Variants in DNAJC17 observed in about 807,000 individuals in gnomAD.
DNAJC17 encodes DnaJ heat shock protein family (Hsp40) member C17.
Under a neutral mutation model 48.1 loss-of-function variants are expected in DNAJC17, and 35 were observed. The observed-to-expected ratio is 0.73, with a 90% CI of 0.56 to 0.96. The LOEUF (loss-of-function observed/expected upper bound fraction) is 0.96. Among genes scored for constraint, DNAJC17 ranks in the 50% least tolerant of loss-of-function variants. The pLI, the probability that DNAJC17 is intolerant of heterozygous loss-of-function variation, is 0.00. For synonymous variants in DNAJC17, 117 were observed against 142.7 expected, an observed-to-expected ratio of 0.82 and a Z score of 1.28; for missense variants, 355 against 377.1, an observed-to-expected ratio of 0.94 and a Z score of 0.48.
In DNAJC17 at chr15:40,765,630, C is replaced by T. The variant is rs775717595; in HGVS notation, c.*2310G>A. The T allele has an allele frequency of 1.0e-5, 4 of 385,220 alleles. No individual in the cohort carries two copies. Among genetic ancestry groups the T allele is most frequent in the South Asian group, 9.9e-5 (1 of 10,150 alleles). 23.9% of individuals were successfully genotyped at this position (385,220 alleles called of 1,614,324 possible). On this transcript the variant is annotated 3_prime_UTR_variant, in exon 11 of 11. Coordinates refer to ENST00000220496, the MANE Select transcript of DNAJC17 (RefSeq NM_018163.3). ...CTGAGCTTTAAGGCACTAGGGAGGGCGCCTACATTGCTCCTCCTGATCATT... is the reference window on the plus strand; with the variant it reads ...CTGAGCTTTAAGGCACTAGGGAGGGTGCCTACATTGCTCCTCCTGATCATT...
At chr15:40,774,653 A>G (rs879380613) in intron 8 of DNAJC17, among the ~76,000 whole-genome samples, 6 of 152,272 alleles carry the variant, frequency 3.9e-5, no homozygotes, top group Admixed American at 3.3e-4. Context: ...ATGATGAGCA[A>G]AGCCCTGGTG....
intron 1 of DNAJC17, among the ~76,000 whole-genome samples, chr15:40,793,857 C>T (rs1056292916): frequency 9.2e-5 from 14 of 151,954 alleles, no homozygotes; most frequent in African/African-American, 2.2e-4. Context: ...AGGTACAGAG[C>T]GGTTAAATAT....
intron 1 of DNAJC17, among the ~76,000 whole-genome samples, chr15:40,781,499 C>CA (rs1404184653): frequency 6.6e-6 from 1 of 151,380 alleles, no homozygotes; most frequent in Non-Finnish European, 1.5e-5. Context: ...GACCTTGTCT[C>CA]AAAAAAATAA....
At chr15:40,788,291 G>A (rs968943233) in intron 1 of DNAJC17, among the ~76,000 whole-genome samples, 2 of 152,208 alleles carry the variant, frequency 1.3e-5, no homozygotes, top group Non-Finnish European at 2.9e-5. Context: ...GGCCAGGCAT[G>A]GTGGCTGATG....
chr15:40,777,059 C>T (rs1889346598), intron 4 of DNAJC17, among the ~76,000 whole-genome samples: 1 of 152,168 alleles, frequency 6.6e-6, no homozygotes, highest in Admixed American at 6.5e-5. Context: ...TCCTTTACCT[C>T]CCACCTCAAC....
chr15:40,773,012 G>C (rs1889200266), intron 10 of DNAJC17, among the ~76,000 whole-genome samples: 1 of 149,388 alleles, frequency 6.7e-6, no homozygotes, highest in Admixed American at 6.7e-5. Context: ...CCAGGCTAGA[G>C]TGCAATGGCA....
At chr15:40,798,948 G>C (rs542374070) in intron 1 of DNAJC17, among the ~76,000 whole-genome samples, 103 of 152,228 alleles carry the variant, frequency 6.8e-4, no homozygotes, top group South Asian at 4.1e-4. Flanking sequence ...GGCTGGGCGC[G>C]GTGGCTCACG....
intron 1 of DNAJC17, among the ~76,000 whole-genome samples, chr15:40,801,851 T>C (rs1890085037): frequency 1.3e-5 from 2 of 151,968 alleles, no homozygotes; most frequent in Non-Finnish European, 2.9e-5. Context: ...GTGAGGAGAA[T>C]TGGAGAGGCT....
In DNAJC17 at chr15:40,770,999, G is replaced by A. The variant is rs988358573; in HGVS notation, c.792+2728C>T. 13 of 1,550,766 alleles carry A rather than the reference G, an allele frequency of 8.4e-6. No individual in the cohort carries two copies. The African/African-American group carries it at 1.6e-4, about 20-fold the overall frequency. Reference sequence around the variant, plus strand: ...AAGTTCTGCAGATGCTAAGGGAGCAGTTTCCTAGCGAGCCCAGCTTCTAAA... The same window carrying A: ...AAGTTCTGCAGATGCTAAGGGAGCAATTTCCTAGCGAGCCCAGCTTCTAAA... On this transcript the variant is annotated intron_variant, in intron 10 of 10. Transcript: ENST00000220496. The surrounding 1 kb of genome is among the most constrained non-coding windows in gnomAD (Gnocchi z 5.0).
At chr15:40,781,410 G>A (rs1322171721) in intron 1 of DNAJC17, among the ~76,000 whole-genome samples, 1 of 151,924 alleles carries the variant, frequency 6.6e-6, no homozygotes, top group East Asian at 1.9e-4. Context: ...TGAGGCAGGA[G>A]AATCACTTGA....
At position 40,765,554 on chromosome 15, in the gene DNAJC17, T is replaced by C. The variant is rs1485108709; in HGVS notation, c.*2386A>G. The C allele has an allele frequency of 1.1e-5, 3 of 270,440 alleles. No individual in the cohort carries two copies. Among genetic ancestry groups the C allele is most frequent in the African/African-American group, 6.6e-5 (3 of 45,402 alleles). The allele number at this position is 270,440 out of a possible 1,614,324, so 16.8% of individuals were successfully genotyped here. A position where few individuals can be genotyped will look rare whatever the true frequency, so the allele number is the denominator to read the frequency against. ...TCCCACCTCAAGCGATCCTCCCACC[T>C]CAGCCTCAGTAGCTGGAACTATAGG... On this transcript the variant is annotated 3_prime_UTR_variant, in exon 11 of 11. Coordinates refer to ENST00000220496, the MANE Select transcript of DNAJC17 (RefSeq NM_018163.3).
Position 40,770,835 on chromosome 15 carries a change from C to T in DNAJC17, c.793-2773G>A, listed in dbSNP as rs577702432. Reference sequence around the variant, plus strand: ...CTACTCTGCCACCCTGCCATCGGCGCTCTCTCTGTCGAGTGCCCTCCACCA... The same window carrying T: ...CTACTCTGCCACCCTGCCATCGGCGTTCTCTCTGTCGAGTGCCCTCCACCA... On this transcript the variant is annotated intron_variant, in intron 10 of 10. Coordinates refer to ENST00000220496, the MANE Select transcript of DNAJC17 (RefSeq NM_018163.3). This position sits in a 1 kb window ranked among gnomAD's most constrained non-coding sequence, Gnocchi z 5.0. 82 of 1,551,404 alleles carry T rather than the reference C, an allele frequency of 5.3e-5. No individual in the cohort carries two copies. The East Asian group carries it at 1.1e-3, about 20-fold the overall frequency.
At chr15:40,783,805 G>T (rs926797248) in intron 1 of DNAJC17, among the ~76,000 whole-genome samples, 1 of 152,242 alleles carries the variant, frequency 6.6e-6, no homozygotes, top group Non-Finnish European at 1.5e-5. Context: ...AGAGGCTTCA[G>T]TGAGCTGAGA....
intron 1 of DNAJC17, among the ~76,000 whole-genome samples, chr15:40,782,126 A>T (rs1225465237): frequency 6.6e-6 from 1 of 152,082 alleles, no homozygotes; most frequent in Non-Finnish European, 1.5e-5. Flanking sequence ...CAGGAGGCTG[A>T]GGTGGGAGGA....
chr15:40,807,130 C>T (rs1419021660), intron 1 of DNAJC17: 44 of 1,007,944 alleles, frequency 4.4e-5, no homozygotes, highest in Non-Finnish European at 6.1e-5. Flanking sequence ...GAGACAGGGG[C>T]CACGGGGAGA....
intron 1 of DNAJC17, among the ~76,000 whole-genome samples, chr15:40,799,399 A>G (rs1313490913): frequency 6.6e-6 from 1 of 151,734 alleles, no homozygotes; most frequent in Non-Finnish European, 1.5e-5. Flanking sequence ...GATGGGGAAC[A>G]AGGAGAATGG....
intron 1 of DNAJC17, chr15:40,780,492 G>T: frequency 2.7e-6 from 1 of 371,526 alleles, no homozygotes; most frequent in Non-Finnish European, 5.3e-6. Context: ...AGCCAGCCAA[G>T]ATCCCCATCA....
Position 40,767,982 on chromosome 15 carries a change from G to A in DNAJC17, c.873C>T (p.Ile291=), listed in dbSNP as rs1396772585. 1 of 1,611,210 alleles carries A rather than the reference G, an allele frequency of 6.2e-7. No individual in the cohort carries two copies. Among genetic ancestry groups the A allele is most frequent in the Non-Finnish European group, 8.5e-7 (1 of 1,179,242 alleles). Residue 291 remains isoleucine (I), a synonymous_variant, in exon 11 of 11, where the codon ATC becomes ATT. Transcript: ENST00000220496. ...MRQAAERQQL[I]ARMQQEDQEG... ...CCTGGTCTTCCTGCTGCATCCGTGC[G>A]ATCAGCTGTTGCCGCTCGGCCGCCT...
At chr15:40,774,941 G>A in intron 8 of DNAJC17, 90 bp downstream of exon 8, 1 of 1,356,708 alleles carries the variant, frequency 7.4e-7, no homozygotes, top group Non-Finnish European at 1.0e-6. Context: ...ATATGTTAAG[G>A]GAAGTTCAGG....
Sources: gnomAD v4.1 joint callset for allele counts (sites outside exome capture counted in the v4.1 genomes callset) on GRCh38, gnomAD v4.1.1 for gene constraint, Gnocchi (gnomAD v3.1) non-coding constraint, MANE v1.5 for transcripts, NCBI Gene and HGNC (gene_info 2026-07-23, HGNC 2026-07-21) for gene names.